WIPF1: variants seen among roughly 807,000 people sequenced by gnomAD.
WIPF1 encodes WAS/WASL-interacting protein family member 1.
Under a neutral mutation model 35.4 loss-of-function variants are expected in WIPF1, and 13 were observed. The observed-to-expected ratio is 0.37, with a 90% CI of 0.24 to 0.58. The LOEUF (loss-of-function observed/expected upper bound fraction) is 0.58. WIPF1 is among the 20% of genes least tolerant of loss of function. WIPF1 has a pLI of 0.74. For missense variants in WIPF1, 591 were observed against 667.0 expected (o/e 0.89, Z 1.25); for synonymous variants, 267 against 266.3 (o/e 1.00, Z -0.02).
Position 174,665,159 on chromosome 2 carries a change from T to A in WIPF1, c.-39+17615A>T, listed in dbSNP as rs559582979. ...TATAACGCTGCATACATCCCTATAA[T>A]ATGGTTTCTCCTTTCAGAGAACTCA... On this transcript the variant is annotated intron_variant, in intron 1 of 8. Coordinates refer to the WIPF1 transcript ENST00000272746. 2.6e-5 allele frequency: 4 copies of A among 152,232 alleles called. No individual in the cohort carries two copies. The South Asian group carries it at 6.2e-4, about 24-fold the overall frequency. 9.4% of individuals were successfully genotyped at this position (152,232 alleles called of 1,614,324 possible).
intron 1 of WIPF1, among the ~76,000 whole-genome samples, chr2:174,659,052 C>T (rs1687704348): frequency 6.6e-6 from 1 of 152,030 alleles, no homozygotes; most frequent in Admixed American, 6.5e-5. Context: ...TTATGTAAAA[C>T]ACTGAAATTA....
chr2:174,565,301 T>G (rs1684623505), intron 7 of WIPF1, among the ~76,000 whole-genome samples: 1 of 152,232 alleles, frequency 6.6e-6, no homozygotes, highest in South Asian at 2.1e-4. Flanking sequence ...AACAAATCTT[T>G]TCAGGAATTA....
At chr2:174,584,647 C>T (rs1685344032) in intron 2 of WIPF1, among the ~76,000 whole-genome samples, 1 of 152,146 alleles carries the variant, frequency 6.6e-6, no homozygotes, top group Non-Finnish European at 1.5e-5. Context: ...CACAGTGGCT[C>T]ACGCCTGTAA....
chr2:174,568,371 C>T (rs776110157), intron 5 of WIPF1, among the ~76,000 whole-genome samples: 3 of 152,042 alleles, frequency 2.0e-5, no homozygotes, highest in African/African-American at 4.8e-5. Flanking sequence ...TCTGTTTACA[C>T]GGACAACCGT....
At position 174,567,165 on chromosome 2, in the gene WIPF1, A is replaced by T; in HGVS notation, c.1361T>A (p.Phe454Tyr). The T allele has an allele frequency of 1.2e-6, 2 of 1,614,214 alleles. No homozygotes were observed. Among genetic ancestry groups the T allele is most frequent in the Admixed American group, 1.7e-5 (1 of 60,028 alleles). ...SPCEDEWESR[F>Y]YFHPISDLPP... Reference sequence around the variant, plus strand: ...CAAATCGGAAATCGGATGGAAGTAGAATCTGCTTTCCCACTCATCTGGGAA... The same window carrying T: ...CAAATCGGAAATCGGATGGAAGTAGTATCTGCTTTCCCACTCATCTGGGAA... Residue 454 changes from phenylalanine to tyrosine, a missense_variant, in exon 7 of 8, where the codon TTC (phenylalanine) becomes TAC (tyrosine). Phe to Tyr is a conservative substitution (Grantham distance 22, BLOSUM62 3). This residue lies in a region of WIPF1 where 117 missense variants were observed against 149.6 expected (regional missense o/e 0.78). Coordinates refer to ENST00000679041, the MANE Select transcript of WIPF1 (RefSeq NM_001375834.1).
intron 1 of WIPF1, among the ~76,000 whole-genome samples, chr2:174,656,842 T>A (rs1687650297): frequency 6.6e-6 from 1 of 152,180 alleles, no homozygotes; most frequent in Non-Finnish European, 1.5e-5. Context: ...GTGTGAAAAA[T>A]ACCATCCAAA....
rs534532190 is a variant in WIPF1, at chr2:174,629,338, C to A, written c.-38-43727G>T. ...ATAAAACCTCTTAAACAGTTTTATT[C>A]TGATAACTATGCTCATCAGCCTTGA... is the stretch of plus-strand genomic sequence containing the variant. On this transcript the variant is annotated intron_variant, in intron 1 of 8. Transcript: ENST00000272746. Among the ~76,000 whole-genome samples, 13 of 152,242 alleles carry A rather than the reference C, an allele frequency of 8.5e-5. No individual in the cohort carries two copies. The South Asian group carries it at 2.1e-3, about 24-fold the overall frequency.
At chr2:174,647,842 A>G (rs1559171797) in intron 1 of WIPF1, among the ~76,000 whole-genome samples, 1 of 152,238 alleles carries the variant, frequency 6.6e-6, no homozygotes, top group African/African-American at 2.4e-5. Context: ...TATGTAGCAT[A>G]AAGCATAAAA....
intron 1 of WIPF1, among the ~76,000 whole-genome samples, chr2:174,636,143 A>T (rs1687178135): frequency 6.6e-6 from 1 of 152,216 alleles, no homozygotes; most frequent in Non-Finnish European, 1.5e-5. Flanking sequence ...AAAATACTAC[A>T]TAGATGAAAA....
intron 1 of WIPF1, among the ~76,000 whole-genome samples, chr2:174,679,849 G>A (rs769036042): frequency 4.6e-5 from 7 of 152,192 alleles, no homozygotes; most frequent in African/African-American, 1.2e-4. Flanking sequence ...ACAAATGTCC[G>A]CCCTAGTGAA....
Position 174,631,564 on chromosome 2 carries a change from T to C in WIPF1, c.-38-45953A>G, listed in dbSNP as rs543226897. Reference sequence around the variant, plus strand: ...ACAATATGAATATACTTAACGCTACTGAACTGTATCTTAATGGTTAAGATG... The same window carrying C: ...ACAATATGAATATACTTAACGCTACCGAACTGTATCTTAATGGTTAAGATG... On this transcript the variant is annotated intron_variant, in intron 1 of 8. Transcript: ENST00000272746. Among the ~76,000 whole-genome samples the C allele has an allele frequency of 1.2e-3, 177 of 152,338 alleles. 1 individual carries two copies. Among genetic ancestry groups the C allele is most frequent in the Middle Eastern group, 6.8e-3 (2 of 294 alleles).
intron 1 of WIPF1, among the ~76,000 whole-genome samples, chr2:174,647,190 A>G (rs1687428468): frequency 6.6e-6 from 1 of 151,994 alleles, no homozygotes; most frequent in South Asian, 2.1e-4. Context: ...TGGGCAGCAG[A>G]GCGACATCCT....
intron 1 of WIPF1, among the ~76,000 whole-genome samples, chr2:174,591,501 G>A (rs1246081344): frequency 1.3e-5 from 2 of 152,168 alleles, no homozygotes; most frequent in African/African-American, 2.4e-5. Context: ...TATTTAATAA[G>A]TGAATGAATC....
At chr2:174,585,262 GCAGATGCGGCAGAAAACACCTCAT>G (rs1229543076) in intron 2 of WIPF1, among the ~76,000 whole-genome samples, 1 of 152,170 alleles carries the variant, frequency 6.6e-6, no homozygotes, top group East Asian at 1.9e-4. Context: ...ATGTCCCTGC[GCAGATGCGGCAGAAAACACCTCAT>G]CAGCCACATT....
At chr2:174,600,426 C>T (rs764965828), upstream of WIPF1, among the ~76,000 whole-genome samples, 4 of 152,212 alleles carry the variant, frequency 2.6e-5, no homozygotes, top group South Asian at 2.1e-4. Flanking sequence ...CAGGGACCCA[C>T]GAGATCTGGC....
chr2:174,599,653 A>G (rs2105877833), upstream of WIPF1, among the ~76,000 whole-genome samples: 1 of 152,320 alleles, frequency 6.6e-6, no homozygotes, highest in East Asian at 1.9e-4. Context: ...TATTAAGTAA[A>G]TGCCTGAGTG....
chr2:174,626,429 T>C (rs1686834266), intron 1 of WIPF1, among the ~76,000 whole-genome samples: 1 of 152,156 alleles, frequency 6.6e-6, no homozygotes, highest in African/African-American at 2.4e-5. Context: ...AAGATGACTT[T>C]TTTCTAGGAT....
At chr2:174,587,481 T>C (rs1685461774) in intron 1 of WIPF1, 1 of 152,182 alleles carries the variant, frequency 6.6e-6, no homozygotes, top group Non-Finnish European at 1.5e-5. Flanking sequence ...AGAAATGGAC[T>C]GGAGAAGCTA....
chr2:174,642,171 G>A (rs968153922), intron 1 of WIPF1, among the ~76,000 whole-genome samples: 2 of 152,086 alleles, frequency 1.3e-5, no homozygotes, highest in African/African-American at 4.8e-5. Flanking sequence ...GCTGCAAGGA[G>A]GGCAAGGACA....
Sources: gnomAD v4.1 joint callset for allele counts (sites outside exome capture counted in the v4.1 genomes callset) on GRCh38, gnomAD v4.1.1 for gene constraint, gnomAD v4.1.1 regional missense constraint, MANE v1.5 for transcripts, NCBI Gene and HGNC (gene_info 2026-07-23, HGNC 2026-07-21) for gene names.